The following SLC10A2 variants were observed in gnomAD, a reference collection of about 807,000 sequenced individuals.
SLC10A2 encodes ileal sodium/bile acid cotransporter.
In SLC10A2, 34 loss-of-function variants were observed where a neutral mutation model predicts 27.1. The ratio of observed to expected loss-of-function variants is 1.26; its 90% confidence interval spans 0.96 to 1.67. The LOEUF is 1.67. Ranked by LOEUF, SLC10A2 falls within the 40% of genes most tolerant of loss-of-function variation. SLC10A2 has a pLI of 0.00. For missense variants in SLC10A2, 530 were observed against 444.4 expected, an observed-to-expected ratio of 1.19 and a Z score of -1.73; for synonymous variants, 205 against 174.0, an observed-to-expected ratio of 1.18 and a Z score of -1.40.
intron 3 of SLC10A2, among the ~76,000 whole-genome samples, chr13:103,051,883 T>C (rs1186951098): frequency 6.6e-6 from 1 of 152,166 alleles, no homozygotes; most frequent in African/African-American, 2.4e-5. Context: ...AATGAGAAAA[T>C]GGGTATAGAA....
rs200343459 is a variant in SLC10A2 at position 103,065,921 on chromosome 13, G to A, written c.329C>T (p.Thr110Ile). Residue 110 changes from threonine (T) to isoleucine (I), a missense_variant, in exon 1 of 6, where the codon ACT (threonine) becomes ATT (isoleucine). Transcript: ENST00000245312. ...CCAATAGGCCAAGATATTGGAGGCA[G>A]TTCCTCCAGGGCAGCATCCTATAAT... ...VLIIGCCPGG[T>I]ASNILAYWVD... is the part of the protein sequence containing the mutation. The A allele has an allele frequency of 2.5e-6, 4 of 1,614,072 alleles. No individual in the cohort carries two copies. Among genetic ancestry groups the A allele is most frequent in the Non-Finnish European group, 3.4e-6 (4 of 1,180,008 alleles).
chr13:103,044,397 GT>G lies in SLC10A2; in HGVS notation c.*1735del, dbSNP rs1375550681. ...GTAGGAGGTACTTAGCCGCTAGACT[GT>G]AAATCTTCCTTTCCACCATTGGGAG... On this transcript the variant is annotated 3_prime_UTR_variant, in exon 6 of 6. Transcript: ENST00000245312. 3 of 152,158 alleles carry G rather than the reference GT, an allele frequency of 2.0e-5. No individual in the cohort carries two copies. Among genetic ancestry groups the G allele is most frequent in the African/African-American group, 7.2e-5 (3 of 41,440 alleles). 9.4% of individuals were successfully genotyped at this position (152,158 alleles called of 1,614,324 possible). A position where few individuals can be genotyped will look rare whatever the true frequency, so the allele number is the denominator to read the frequency against.
rs190356816 is a variant in SLC10A2 at position 103,046,794 on chromosome 13, A to G, written c.920-534T>C. Among the ~76,000 whole-genome samples the G allele has an allele frequency of 5.6e-4, 85 of 152,300 alleles. 1 individual carries two copies. Among genetic ancestry groups the G allele is most frequent in the Admixed American group, 5.2e-3 (80 of 15,300 alleles). Reference sequence around the variant, plus strand: ...GTGGAGCTGCTGGTCTCTGATAGCAAGCATTTCTCAGCTTATTTTTAATGT... The same window carrying G: ...GTGGAGCTGCTGGTCTCTGATAGCAGGCATTTCTCAGCTTATTTTTAATGT... On this transcript the variant is annotated intron_variant, in intron 5 of 5. Transcript: ENST00000245312.
At chr13:103,053,099 TG>T (rs1875836756) in intron 2 of SLC10A2, among the ~76,000 whole-genome samples, 1 of 140,650 alleles carries the variant, frequency 7.1e-6, no homozygotes, top group Non-Finnish European at 1.5e-5. Context: ...TGTGTGTGTG[TG>T]TGTGTGTGTG....
chr13:103,052,528 T>A, intron 3 of SLC10A2, 92 bp downstream of exon 3: 2 of 911,056 alleles, frequency 2.2e-6, no homozygotes, highest in Non-Finnish European at 3.7e-6. Context: ...ACAGTAATCA[T>A]ATAATGAGAA....
rs66842575 is a variant in SLC10A2 at position 103,052,748 on chromosome 13, T to A, written c.497-40A>T. The stretch of plus-strand genomic sequence containing the variant: ...AGGGCAATGTGATCAGCAGAACAGG[T>A]GACACAGGAAAGAGAAAAACAGAAG... On this transcript the variant is annotated intron_variant, in intron 2 of 5. Coordinates refer to ENST00000245312, the MANE Select transcript of SLC10A2 (RefSeq NM_000452.3). 0.019 allele frequency: 24,081 copies of A among 1,241,754 alleles called. 344 individuals carry two copies. The highest frequency in any genetic ancestry group is 0.039 in the African/African-American group (2,586 of 67,144). The allele number at this position is 1,241,754 out of a possible 1,614,324, so 76.9% of individuals were successfully genotyped here.
chr13:103,049,661 A>G (rs562595902), intron 4 of SLC10A2, among the ~76,000 whole-genome samples: 1 of 152,218 alleles, frequency 6.6e-6, no homozygotes, highest in Admixed American at 6.5e-5. Flanking sequence ...ATATAATATA[A>G]ATAAATATAT....
At chr13:103,046,863 G>A (rs169459) in intron 5 of SLC10A2, among the ~76,000 whole-genome samples, 36,727 of 152,142 alleles carry the variant, frequency 0.24, 4,637 homozygotes, top group African/African-American at 0.29. Context: ...AAGACCTGCA[G>A]TGTCTATGCA....
chr13:103,050,805 T>C (rs9586052), intron 4 of SLC10A2, among the ~76,000 whole-genome samples: 2,471 of 152,220 alleles, frequency 0.016, 68 homozygotes, highest in African/African-American at 0.057. Flanking sequence ...TTTGCAGCTG[T>C]TATGGATTGA....
chr13:103,066,274 C>A lies in SLC10A2; in HGVS notation c.-25G>T, dbSNP rs201182963. ...TTGCTGGGTCTGCTGCTGGAAAGGCCAAGTCCACAGAAGCGCTGGTCCCTG... is the reference window on the plus strand; with the variant it reads ...TTGCTGGGTCTGCTGCTGGAAAGGCAAAGTCCACAGAAGCGCTGGTCCCTG... On this transcript the variant is annotated 5_prime_UTR_variant, in exon 1 of 6. Transcript: ENST00000245312. The A allele has an allele frequency of 2.0e-5, 31 of 1,584,006 alleles. No individual in the cohort carries two copies. The Admixed American group carries it at 3.9e-4, about 20-fold the overall frequency.
At chr13:103,062,831 G>A (rs550519204) in intron 1 of SLC10A2, among the ~76,000 whole-genome samples, 1 of 152,312 alleles carries the variant, frequency 6.6e-6, no homozygotes, top group South Asian at 2.1e-4. Context: ...GCAACTGGGA[G>A]AAGGATGCAT....
At chr13:103,060,241 A>T (rs74892674) in intron 1 of SLC10A2, among the ~76,000 whole-genome samples, 1 of 152,072 alleles carries the variant, frequency 6.6e-6, no homozygotes, top group African/African-American at 2.4e-5. Context: ...GGTGCCACTT[A>T]GTGTGTTAAT....
chr13:103,051,818 TA>T (rs1159138714), intron 3 of SLC10A2, among the ~76,000 whole-genome samples: 7 of 152,250 alleles, frequency 4.6e-5, no homozygotes, highest in Admixed American at 1.3e-4. Context: ...GTAGTTTCTT[TA>T]TTTGTAATTG....
chr13:103,055,378 T>C (rs1875910355), intron 2 of SLC10A2, among the ~76,000 whole-genome samples: 1 of 152,132 alleles, frequency 6.6e-6, no homozygotes, highest in Admixed American at 6.6e-5. Context: ...GGCTCACAGG[T>C]GTTTACTGAA....
intron 5 of SLC10A2, 40 bp from the exon 6 acceptor site, chr13:103,046,300 T>C (rs1471979450): frequency 2.0e-6 from 3 of 1,513,916 alleles, no homozygotes; most frequent in Admixed American, 3.4e-5. Flanking sequence ...AATTTTATAA[T>C]AATAAACTGC....
Position 103,060,990 on chromosome 13 carries a change from A to G in SLC10A2, c.378-2608T>C, listed in dbSNP as rs188807039. 4.0e-3 allele frequency among the ~76,000 whole-genome samples: 617 copies of G among 152,366 alleles called. 3 individuals carry two copies. The highest frequency in any genetic ancestry group is 0.014 in the African/African-American group (564 of 41,596). On this transcript the variant is annotated intron_variant, in intron 1 of 5. Coordinates refer to ENST00000245312, the MANE Select transcript of SLC10A2 (RefSeq NM_000452.3). ...ACAGTTTGGCAAAATACAGGGTGGG[A>G]CAAAGTTCATCAGAGAGCTTAACTT...
In SLC10A2 at chr13:103,058,398, C is replaced by CAG. The variant is rs1876006294; in HGVS notation, c.378-18_378-17dup. 4 of 1,362,594 alleles carry CAG rather than the reference C, an allele frequency of 2.9e-6. No homozygotes were observed. In the East Asian group the frequency reaches 9.2e-5, roughly 31 times the overall value. 84.4% of individuals were successfully genotyped at this position (1,362,594 alleles called of 1,614,324 possible). A position where few individuals can be genotyped will look rare whatever the true frequency, so the allele number is the denominator to read the frequency against. The stretch of plus-strand genomic sequence containing the variant: ...CATGCTGACGCTGAAAGGCAATGGG[C>CAG]AGATTGATACATCCACCTGTGGTGT... On this transcript the variant is annotated splice_polypyrimidine_tract_variant and intron_variant, in intron 1 of 5. Transcript: ENST00000245312.
At chr13:103,050,285 C>A (rs1001787975) in intron 4 of SLC10A2, among the ~76,000 whole-genome samples, 1 of 152,134 alleles carries the variant, frequency 6.6e-6, no homozygotes, top group African/African-American at 2.4e-5. Context: ...AGTGTGTGGT[C>A]GGATTGGAAG....
chr13:103,049,499 C>T (rs1595437821), intron 4 of SLC10A2, 53 bp from the exon 5 acceptor site: 2 of 1,578,786 alleles, frequency 1.3e-6, no homozygotes, highest in East Asian at 4.5e-5. Context: ...TATTGTGAAA[C>T]ATGAAAAGCA....
Sources: allele counts gnomAD v4.1 joint callset (sites outside exome capture counted in the v4.1 genomes callset), GRCh38; gene constraint gnomAD v4.1.1; transcripts MANE v1.5; gene names NCBI Gene and HGNC (gene_info 2026-07-23, HGNC 2026-07-21).